HDAC9: variants seen among roughly 807,000 people sequenced by gnomAD.
HDAC9 encodes histone deacetylase 9, also known as MEF-2 interacting transcription repressor (MITR) protein.
A neutral mutation model predicts 139.4 loss-of-function variants in HDAC9; 41 were observed. The observed-to-expected ratio is 0.29, with a 90% CI of 0.23 to 0.38. HDAC9 has a LOEUF of 0.38. Ranked by LOEUF, HDAC9 falls within the 10% of genes least tolerant of loss-of-function variation. The pLI is 1.00. For synonymous variants in HDAC9, 517 were observed against 476.2 expected (o/e 1.09, Z -1.12); for missense variants, 1,147 against 1,297.0 (o/e 0.88, Z 1.78).
At chr7:18,235,472 C>A (rs1334663697) in intron 2 of HDAC9, among the ~76,000 whole-genome samples, 2 of 152,144 alleles carry the variant, frequency 1.3e-5, no homozygotes, top group Non-Finnish European at 2.9e-5. Flanking sequence ...ACAGTTGGGT[C>A]CGGTTCCCCA....
chr7:18,941,870 A>G (rs1306324005), intron 23 of HDAC9, among the ~76,000 whole-genome samples: 2 of 152,040 alleles, frequency 1.3e-5, no homozygotes, highest in Non-Finnish European at 2.9e-5. Context: ...TTGGTTGTGG[A>G]TTTATTTTTG....
intron 2 of HDAC9, chr7:18,517,813 G>A (rs1803727812): frequency 1.3e-5 from 2 of 152,194 alleles, no homozygotes; most frequent in Non-Finnish European, 2.9e-5. Context: ...GAGTTGACAA[G>A]ATACAGGGTA....
At chr7:18,262,092 G>A (rs1297837741) in intron 2 of HDAC9, among the ~76,000 whole-genome samples, 1 of 152,144 alleles carries the variant, frequency 6.6e-6, no homozygotes, top group African/African-American at 2.4e-5. Flanking sequence ...AAAACTGTCG[G>A]TTCCCTTATT....
intron 8 of HDAC9, among the ~76,000 whole-genome samples, chr7:18,639,426 G>C (rs1242364800): frequency 1.3e-5 from 2 of 151,966 alleles, no homozygotes; most frequent in African/African-American, 4.8e-5. Flanking sequence ...CCTTTCAAAT[G>C]CTAAGGAAAC....
At chr7:18,323,145 T>G (rs1267411936) in intron 1 of HDAC9, among the ~76,000 whole-genome samples, 1 of 152,216 alleles carries the variant, frequency 6.6e-6, no homozygotes, top group East Asian at 1.9e-4. Context: ...CTCTTCTAGA[T>G]GCTCAGGCCC....
chr7:18,861,145 A>G (rs1024515548), intron 21 of HDAC9, among the ~76,000 whole-genome samples: 2 of 152,200 alleles, frequency 1.3e-5, no homozygotes, highest in Non-Finnish European at 2.9e-5. Flanking sequence ...TTTTTGGCAT[A>G]TTAAAATTCA....
chr7:18,338,869 T>A (rs1781783563), intron 1 of HDAC9, among the ~76,000 whole-genome samples: 1 of 151,484 alleles, frequency 6.6e-6, no homozygotes, highest in African/African-American at 2.4e-5. Context: ...TCGGTAGAAT[T>A]CAACAGTCAA....
chr7:18,867,426 A>G (rs1037094348), intron 21 of HDAC9, among the ~76,000 whole-genome samples: 8 of 152,332 alleles, frequency 5.3e-5, no homozygotes, highest in Non-Finnish European at 7.3e-5. Flanking sequence ...AGCATTGAAC[A>G]TAAATTTCTG....
intron 1 of HDAC9, among the ~76,000 whole-genome samples, chr7:18,108,077 A>G (rs555712620): frequency 2.0e-4 from 30 of 152,190 alleles, no homozygotes; most frequent in Admixed American, 1.4e-3. Context: ...GGACCTGTGA[A>G]AAATATGCCT....
At chr7:18,228,028 C>A (rs1043272130) in intron 2 of HDAC9, among the ~76,000 whole-genome samples, 3 of 152,068 alleles carry the variant, frequency 2.0e-5, no homozygotes, top group African/African-American at 7.2e-5. Flanking sequence ...CAGAATAAAT[C>A]AAAATAAATT....
At chr7:18,993,211 T>C (rs1428409514) in intron 25 of HDAC9, among the ~76,000 whole-genome samples, 1 of 149,464 alleles carries the variant, frequency 6.7e-6, no homozygotes, top group African/African-American at 2.5e-5. Context: ...TACTATAAAT[T>C]GTCCCAATGG....
At chr7:18,356,708 G>A (rs941199947) in intron 1 of HDAC9, among the ~76,000 whole-genome samples, 1 of 151,634 alleles carries the variant, frequency 6.6e-6, no homozygotes, top group African/African-American at 2.4e-5. Context: ...TTTGCACATG[G>A]GGGAGGGTTG....
chr7:18,634,919 A>C (rs1783429527), intron 8 of HDAC9, among the ~76,000 whole-genome samples, 177 bp downstream of exon 8: 1 of 152,114 alleles, frequency 6.6e-6, no homozygotes, highest in Non-Finnish European at 1.5e-5. Flanking sequence ...AACTAATGTA[A>C]ATATTATAAA....
At chr7:18,579,008 A>G (rs1826926666) in intron 2 of HDAC9, among the ~76,000 whole-genome samples, 1 of 152,206 alleles carries the variant, frequency 6.6e-6, no homozygotes. Flanking sequence ...TACAGAAACA[A>G]TAGGATAAGG....
At chr7:18,539,644 C>T (rs547937601) in intron 2 of HDAC9, among the ~76,000 whole-genome samples, 2 of 152,034 alleles carry the variant, frequency 1.3e-5, no homozygotes, top group African/African-American at 4.8e-5. Context: ...TTCTGAAAAT[C>T]TGAAATTATT....
chr7:18,752,814 C>G (rs1788562788), intron 14 of HDAC9, among the ~76,000 whole-genome samples: 1 of 152,092 alleles, frequency 6.6e-6, no homozygotes, highest in African/African-American at 2.4e-5. Context: ...GAACTATTCT[C>G]CCACCACGTC....
chr7:18,110,437 T>C (rs1562629863), intron 1 of HDAC9, among the ~76,000 whole-genome samples: 1 of 152,140 alleles, frequency 6.6e-6, no homozygotes, highest in Non-Finnish European at 1.5e-5. Flanking sequence ...GAATACCACA[T>C]GAACAATAGA....
chr7:18,130,836 T>C (rs1191938758), intron 1 of HDAC9, among the ~76,000 whole-genome samples: 2 of 152,158 alleles, frequency 1.3e-5, no homozygotes, highest in African/African-American at 2.4e-5. Context: ...ACCGCAGTTA[T>C]GGACTTTTTT....
chr7:18,295,119 G>A (rs942664930), intron 1 of HDAC9, among the ~76,000 whole-genome samples: 7 of 152,132 alleles, frequency 4.6e-5, no homozygotes, highest in African/African-American at 1.7e-4. Context: ...GGAAATAGAT[G>A]TGATCACTCA....
Sources: gnomAD v4.1 joint callset for allele counts (sites outside exome capture counted in the v4.1 genomes callset) on GRCh38, gnomAD v4.1.1 for gene constraint, MANE v1.5 for transcripts, NCBI Gene and HGNC (gene_info 2026-07-23, HGNC 2026-07-21) for gene names.